The following HELZ variants were observed in gnomAD, a reference collection of about 807,000 sequenced individuals.
HELZ encodes the protein ATP-dependent RNA helicase with zinc finger domain.
In HELZ, 23 loss-of-function variants were observed where a neutral mutation model predicts 218.2. That is an observed-to-expected ratio of 0.11 (90% CI 0.08 to 0.15). The LOEUF (loss-of-function observed/expected upper bound fraction) is 0.15. Ranked by LOEUF, HELZ falls within the 10% of genes least tolerant of loss-of-function variation. HELZ has a pLI of 1.00. For synonymous variants in HELZ, 814 were observed against 829.4 expected (o/e 0.98, Z 0.32); for missense variants, 1,813 against 2,353.7 (o/e 0.77, Z 4.75).
At chr17:67,090,435 G>A (rs2057593181) in intron 31 of HELZ, among the ~76,000 whole-genome samples, 1 of 152,132 alleles carries the variant, frequency 6.6e-6, no homozygotes, top group Non-Finnish European at 1.5e-5. Flanking sequence ...AAATTGAGAA[G>A]TGTTCTATTC....
In HELZ at chr17:67,233,407, A is replaced by G. The variant is rs368381001; in HGVS notation, c.-19+6026T>C. The stretch of plus-strand genomic sequence containing the variant: ...GAAAATAAAGTCCTCACTCCCCAAC[A>G]TAACTATGGCACTTCCTACTCTCTA... On this transcript the variant is annotated intron_variant, in intron 3 of 32. Transcript: ENST00000358691. Among the ~76,000 whole-genome samples, 31 of 152,300 alleles carry G rather than the reference A, an allele frequency of 2.0e-4. No individual in the cohort carries two copies. The East Asian group carries it at 3.7e-3, about 18-fold the overall frequency.
At chr17:67,094,830 T>TTTTAATTAAA (rs1689410738) in intron 31 of HELZ, among the ~76,000 whole-genome samples, 2 of 152,210 alleles carry the variant, frequency 1.3e-5, no homozygotes, top group African/African-American at 4.8e-5. Flanking sequence ...TATGGCTTAA[T>TTTTAATTAAA]TTTAAAATAA....
At position 67,151,054 on chromosome 17, in the gene HELZ, A is replaced by G; in HGVS notation, c.2348T>C (p.Leu783Pro). The G allele has an allele frequency of 6.2e-7, 1 of 1,613,586 alleles. No homozygotes were observed. Among genetic ancestry groups the G allele is most frequent in the East Asian group, 2.2e-5 (1 of 44,862 alleles). The change falls in exon 18 of 33, where the codon CTT becomes CCT. Residue 783 changes from leucine (L) to proline (P), a missense_variant. Transcript: ENST00000358691. ...GTCTTGAGTCAGCATACCAGGTTCA[A>G]GGTCCAACTGACAGAGGTACTGGGA... ...NTSQYLCQLD[L>P]EPGFFTHILL...
chr17:67,193,804 A>G (rs2039958577), intron 9 of HELZ, among the ~76,000 whole-genome samples, 163 bp downstream of exon 9: 2 of 152,252 alleles, frequency 1.3e-5, no homozygotes, highest in Admixed American at 1.3e-4. Flanking sequence ...TTAAAGGAAG[A>G]GAACTCATCA....
At chr17:67,216,837 G>A (rs537626425) in intron 4 of HELZ, among the ~76,000 whole-genome samples, 1 of 152,118 alleles carries the variant, frequency 6.6e-6, no homozygotes, top group East Asian at 1.9e-4. Flanking sequence ...CTTCCTTCAC[G>A]CGGCTACCAG....
intron 31 of HELZ, among the ~76,000 whole-genome samples, chr17:67,102,370 T>C (rs2036957076): frequency 6.6e-6 from 1 of 152,248 alleles, no homozygotes; most frequent in African/African-American, 2.4e-5. Flanking sequence ...ATAATTTCTC[T>C]AACTTCTACA....
chr17:67,137,850 T>A, intron 22 of HELZ, 81 bp downstream of exon 22: 1 of 1,022,232 alleles, frequency 9.8e-7, no homozygotes, highest in Non-Finnish European at 1.4e-6. Flanking sequence ...AGAAAAGAGA[T>A]CTTGAGTACT....
intron 31 of HELZ, among the ~76,000 whole-genome samples, chr17:67,102,907 A>G: frequency 6.6e-6 from 1 of 152,210 alleles, no homozygotes; most frequent in East Asian, 1.9e-4. Flanking sequence ...AAGATAACAG[A>G]AATATCAGAC....
chr17:67,244,147 A>G, intron 1 of HELZ: 1 of 309,836 alleles, frequency 3.2e-6, no homozygotes, highest in South Asian at 1.3e-4. Flanking sequence ...TTTCATTAAT[A>G]TGAGTTTAAG....
chr17:67,160,704 T>G (rs1481539360), intron 16 of HELZ, among the ~76,000 whole-genome samples, 193 bp downstream of exon 16: 1 of 152,204 alleles, frequency 6.6e-6, no homozygotes, highest in Non-Finnish European at 1.5e-5. Flanking sequence ...CTACCAATTC[T>G]AAAAACAGTA....
intron 32 of HELZ, among the ~76,000 whole-genome samples, chr17:67,085,141 A>T (rs566211022): frequency 2.6e-5 from 4 of 151,920 alleles, no homozygotes; most frequent in African/African-American, 9.7e-5. Flanking sequence ...CAAAGCAGCC[A>T]GGCATGGTGG....
rs553366865 is a variant in HELZ, at chr17:67,179,263, A to G, written c.1163-337T>C. On this transcript the variant is annotated intron_variant, in intron 12 of 32. Coordinates refer to ENST00000358691, the MANE Select transcript of HELZ (RefSeq NM_014877.4). ...TTTGAATCTGCGTGAAAAAGATATG[A>G]TAAATTCTTCATAGGTTTTATCAGA... Among the ~76,000 whole-genome samples, 3 of 152,332 alleles carry G rather than the reference A, an allele frequency of 2.0e-5. No individual in the cohort carries two copies. In the South Asian group the frequency reaches 6.2e-4, roughly 32 times the overall value.
intron 32 of HELZ, among the ~76,000 whole-genome samples, chr17:67,082,243 CA>C (rs1231301584): frequency 1.6e-4 from 24 of 152,332 alleles, no homozygotes; most frequent in African/African-American, 5.8e-4. Context: ...TGAACTCAGA[CA>C]TTTGATCTTC....
In HELZ at chr17:67,112,995, G is replaced by A. The variant is rs556688373; in HGVS notation, c.3918+1329C>T. The stretch of plus-strand genomic sequence containing the variant: ...CTACATTTGAAGTATGTTCGTAAGA[G>A]CACAATAGTTTTAGTGAAATGTAGA... On this transcript the variant is annotated intron_variant, in intron 28 of 32. Coordinates refer to ENST00000358691, the MANE Select transcript of HELZ (RefSeq NM_014877.4). Among the ~76,000 whole-genome samples, 3 of 152,234 alleles carry A rather than the reference G, an allele frequency of 2.0e-5. No homozygotes were observed. In the East Asian group the frequency reaches 5.8e-4, roughly 29 times the overall value.
At chr17:67,215,349 C>CTTT (rs773776900) in intron 5 of HELZ, among the ~76,000 whole-genome samples, 5 of 136,612 alleles carry the variant, frequency 3.7e-5, no homozygotes, top group East Asian at 2.1e-4. Context: ...GCTATTCAAA[C>CTTT]TTTTTTTTTT....
chr17:67,191,545 G>A (rs1219845532), intron 9 of HELZ, among the ~76,000 whole-genome samples: 2 of 151,920 alleles, frequency 1.3e-5, no homozygotes, highest in African/African-American at 4.8e-5. Context: ...TCTGCCTCCC[G>A]GGTTCAAGGG....
intron 32 of HELZ, among the ~76,000 whole-genome samples, chr17:67,084,874 C>T (rs2036316143): frequency 6.6e-6 from 1 of 152,122 alleles, no homozygotes; most frequent in Non-Finnish European, 1.5e-5. Flanking sequence ...AATCTCAGAA[C>T]TTTGGGAGGC....
chr17:67,172,473 G>C (rs1030020260), intron 13 of HELZ, among the ~76,000 whole-genome samples: 2 of 122,252 alleles, frequency 1.6e-5, no homozygotes, highest in African/African-American at 7.0e-5. Context: ...TTAATTTTAT[G>C]TTTTTCTAAT....
intron 31 of HELZ, among the ~76,000 whole-genome samples, chr17:67,105,872 A>G (rs2037084712): frequency 6.6e-6 from 1 of 152,218 alleles, no homozygotes; most frequent in Admixed American, 6.5e-5. Flanking sequence ...GAGCCAATCA[A>G]TGAATACTGG....
Sources: allele counts gnomAD v4.1 joint callset (sites outside exome capture counted in the v4.1 genomes callset), GRCh38; gene constraint gnomAD v4.1.1; transcripts MANE v1.5; gene names NCBI Gene and HGNC (gene_info 2026-07-23, HGNC 2026-07-21).